WRNIP1: variants seen among roughly 807,000 people sequenced by gnomAD.
WRNIP1 encodes the protein ATPase WRNIP1.
In WRNIP1, 41 loss-of-function variants were observed where a neutral mutation model predicts 56.1. The ratio of observed to expected loss-of-function variants is 0.73; its 90% CI spans 0.57 to 0.95. WRNIP1 has a LOEUF of 0.95. Ranked by LOEUF, WRNIP1 falls within the 40% of genes least tolerant of loss-of-function variation. The probability of loss-of-function intolerance (pLI) is 0.00; values close to 1 mark genes in which losing one functional copy is unlikely to be tolerated. For synonymous variants in WRNIP1, 547 were observed against 398.1 expected (o/e 1.37, Z -4.45); for missense variants, 1,170 against 939.4 (o/e 1.25, Z -3.21).
intron 4 of WRNIP1, among the ~76,000 whole-genome samples, 188 bp downstream of exon 4, chr6:2,779,680 G>A (rs1483608993): frequency 1.3e-5 from 2 of 152,192 alleles, no homozygotes; most frequent in South Asian, 2.1e-4. Context: ...CCGAAGAGAG[G>A]CATGAAGCAG....
chr6:2,765,521 C>A lies in WRNIP1; in HGVS notation c.-102C>A. 3.1e-6 allele frequency: 4 copies of A among 1,288,670 alleles called. No individual in the cohort carries two copies. In the South Asian group the frequency reaches 6.4e-5, roughly 21 times the overall value. The allele number at this position is 1,288,670 out of a possible 1,614,324, so 79.8% of individuals were successfully genotyped here. A position where few individuals can be genotyped will look rare whatever the true frequency, so the allele number is the denominator to read the frequency against. On this transcript the variant is annotated 5_prime_UTR_variant, in exon 1 of 7. Coordinates refer to ENST00000380773, the MANE Select transcript of WRNIP1 (RefSeq NM_020135.3). ...GCGAGCGTCCTGCTGGTTCCCCGAG[C>A]GAGGGTCTCGCGGCGCGGGGCCTAG...
At chr6:2,783,673 G>GGGCCCCCC in intron 5 of WRNIP1, 112 bp downstream of exon 5, 1 of 404,230 alleles carries the variant, frequency 2.5e-6, no homozygotes, top group Non-Finnish European at 4.4e-6. Flanking sequence ...GGTGGGCGGG[G>GGGCCCCCC]GTAGCAGGAA....
At chr6:2,768,504 T>C (rs1435721052) in intron 1 of WRNIP1, among the ~76,000 whole-genome samples, 187 bp from the exon 2 acceptor site, 4 of 152,324 alleles carry the variant, frequency 2.6e-5, no homozygotes, top group African/African-American at 9.6e-5. Context: ...GTTTTATTTA[T>C]AATATTTTTG....
In WRNIP1 at chr6:2,766,429, G is replaced by C. The variant is rs769863578; in HGVS notation, c.807G>C (p.Pro269=). 7 of 1,574,224 alleles carry C rather than the reference G, an allele frequency of 4.4e-6. No homozygotes were observed. The East Asian group carries it at 1.6e-4, about 36-fold the overall frequency. ...TCCCCTCGCTTATCCTGTGGGGGCC[G>C]CCGGGCTGCGGCAAGGTGAGTGCGG... ...NEIPSLILWG[P]PGCGKTTLAH... is the part of the protein sequence containing the mutation. Residue 269 remains proline (P), a synonymous_variant, in exon 1 of 7, where the codon CCG becomes CCC. Transcript: ENST00000380773.
intron 3 of WRNIP1, among the ~76,000 whole-genome samples, chr6:2,771,675 G>A (rs1765281774): frequency 1.3e-5 from 2 of 152,258 alleles, no homozygotes; most frequent in South Asian, 4.1e-4. Flanking sequence ...GTGCTCATCT[G>A]GTAAGTATAT....
intron 4 of WRNIP1, among the ~76,000 whole-genome samples, chr6:2,782,605 C>T (rs1765588877): frequency 6.6e-6 from 1 of 152,228 alleles, no homozygotes; most frequent in Non-Finnish European, 1.5e-5. Context: ...GAGGGTGCCC[C>T]CTCCTTGAAC....
chr6:2,779,541 G>GGT, intron 4 of WRNIP1, 49 bp downstream of exon 4: 1 of 1,558,714 alleles, frequency 6.4e-7, no homozygotes, highest in Non-Finnish European at 8.7e-7. Flanking sequence ...AAAGAAGTGT[G>GGT]TGCACACATT....
At chr6:2,769,370 G>A (rs1765177509) in intron 2 of WRNIP1, among the ~76,000 whole-genome samples, 1 of 151,754 alleles carries the variant, frequency 6.6e-6, no homozygotes, top group Non-Finnish European at 1.5e-5. Flanking sequence ...GAAATAAAAG[G>A]ACACAAGCTA....
rs71552136 is a variant in WRNIP1 at position 2,766,379 on chromosome 6, C to G, written c.757C>G (p.Arg253Gly). The change falls in exon 1 of 7, where the codon CGC (arginine) becomes GGC (glycine). Residue 253 changes from arginine to glycine, a missense_variant. Physicochemically the swap from Arg to Gly is moderately radical, Grantham distance 125. Transcript: ENST00000380773. ...SKAVGQDTLL[R>G]SLLETNEIPS... is the part of the protein sequence containing the mutation. ...GGCCGTGGGCCAGGATACCCTGCTG[C>G]GCTCGCTCCTGGAGACCAACGAAAT... is the stretch of plus-strand genomic sequence containing the variant. The G allele has an allele frequency of 1.8e-5, 29 of 1,608,634 alleles. No individual in the cohort carries two copies. Among genetic ancestry groups the G allele is most frequent in the Non-Finnish European group, 2.2e-5 (26 of 1,177,974 alleles).
chr6:2,774,048 C>A, intron 3 of WRNIP1: 3 of 985,304 alleles, frequency 3.0e-6, no homozygotes, highest in Non-Finnish European at 3.6e-6. Flanking sequence ...TCTTAAATAA[C>A]CTTTTGTGCC....
At chr6:2,777,794 T>G (rs1186458621) in intron 3 of WRNIP1, among the ~76,000 whole-genome samples, 1 of 152,194 alleles carries the variant, frequency 6.6e-6, no homozygotes, top group Non-Finnish European at 1.5e-5. Context: ...CCTCGGTGTT[T>G]GTTTTTTTGT....
intron 4 of WRNIP1, 51 bp downstream of exon 4, chr6:2,779,543 GCA>G: frequency 6.4e-7 from 1 of 1,553,610 alleles, no homozygotes; most frequent in Non-Finnish European, 8.7e-7. Context: ...AGAAGTGTGT[GCA>G]CACATTCTCA....
chr6:2,785,381 A>C lies in WRNIP1; in HGVS notation c.*99A>C. On this transcript the variant is annotated 3_prime_UTR_variant, in exon 7 of 7. Transcript: ENST00000380773. The stretch of plus-strand genomic sequence containing the variant: ...AGTTGGTTGCCTGGTGGAAGTTAGA[A>C]CAGACCAACATTTTGTGCCAGAAAT... 1 of 1,376,496 alleles carries C rather than the reference A, an allele frequency of 7.3e-7. No individual in the cohort carries two copies. Among genetic ancestry groups the C allele is most frequent in the African/African-American group, 1.4e-5 (1 of 69,376 alleles). The allele number at this position is 1,376,496 out of a possible 1,614,324, so 85.3% of individuals were successfully genotyped here.
chr6:2,785,241 G>A lies in WRNIP1; in HGVS notation c.1957G>A (p.Glu653Lys). The A allele has an allele frequency of 1.2e-6, 2 of 1,614,166 alleles. No individual in the cohort carries two copies. The highest frequency in any genetic ancestry group is 1.7e-6 in the Non-Finnish European group (2 of 1,180,030). The change falls in exon 7 of 7, where the codon GAG becomes AAG. Residue 653 changes from glutamate (E) to lysine (K), a missense_variant. Transcript: ENST00000380773. ...TGTGGATCAGGAGTACCTGCCTGAAGAGTTGAGGGGGGTAGATTTCTTCAA... is the reference window on the plus strand; with the variant it reads ...TGTGGATCAGGAGTACCTGCCTGAAAAGTTGAGGGGGGTAGATTTCTTCAA... ...EPVDQEYLPE[E>K]LRGVDFFKQR...
Position 2,779,287 on chromosome 6 carries a change from A to G in WRNIP1, c.1281A>G (p.Lys427=), listed in dbSNP as rs769478854. The G allele has an allele frequency of 2.5e-6, 4 of 1,614,186 alleles. No individual in the cohort carries two copies. The South Asian group carries it at 3.3e-5, about 13-fold the overall frequency. The change falls in exon 4 of 7, where the codon AAA becomes AAG. Residue 427 remains lysine, a synonymous_variant. Transcript: ENST00000380773. ...GGCCCGCCATGTTCATAGAGGATAA[A>G]GCAGTAGACACCCTGGCTTACCTCA... The part of the protein sequence containing the change: ...SSEPAMFIED[K]AVDTLAYLSD...
intron 3 of WRNIP1, chr6:2,774,370 G>T (rs918153288): frequency 3.8e-6 from 3 of 787,696 alleles, no homozygotes; most frequent in South Asian, 1.2e-4. Flanking sequence ...CAGAATCAAG[G>T]TATCAACAAG....
At position 2,782,163 on chromosome 6, in the gene WRNIP1, G is replaced by T. The variant is rs138453707; in HGVS notation, c.1487-1243G>T. Among the ~76,000 whole-genome samples, 12 of 152,348 alleles carry T rather than the reference G, an allele frequency of 7.9e-5. No individual in the cohort carries two copies. In the South Asian group the frequency reaches 2.3e-3, roughly 29 times the overall value. On this transcript the variant is annotated intron_variant, in intron 4 of 6. Transcript: ENST00000380773. ...CCTCCACCCTGCAGAGGAGCAGAGC[G>T]TAGCCTGAGTGCCTGGGCCAGCAGG...
At chr6:2,778,716 G>C (rs1765487834) in intron 3 of WRNIP1, among the ~76,000 whole-genome samples, 2 of 152,186 alleles carry the variant, frequency 1.3e-5, no homozygotes, top group African/African-American at 4.8e-5. Flanking sequence ...GACCTGCTGT[G>C]CTCAGAGTAA....
rs953829747 is a variant in WRNIP1 at position 2,766,129 on chromosome 6, G to GGGCGAC, written c.513_518dup (p.Gly176_Asp177dup). The GGGCGAC allele has an allele frequency of 1.6e-5, 21 of 1,325,648 alleles. No individual in the cohort carries two copies. The highest frequency in any genetic ancestry group is 3.1e-5 in the East Asian group (1 of 32,440). The allele number at this position is 1,325,648 out of a possible 1,614,324, so 82.1% of individuals were successfully genotyped here. ...AGGCGCAGGAGGAGGAGGAGGCCGT[G>GGGCGAC]GGCGACGGCGATGGCGACGGGGACG... is the stretch of plus-strand genomic sequence containing the variant. On this transcript the variant is annotated inframe_insertion, in exon 1 of 7. Coordinates refer to ENST00000380773, the MANE Select transcript of WRNIP1 (RefSeq NM_020135.3).
Sources: gnomAD v4.1 joint callset for allele counts (sites outside exome capture counted in the v4.1 genomes callset) on GRCh38, gnomAD v4.1.1 for gene constraint, MANE v1.5 for transcripts, NCBI Gene and HGNC (gene_info 2026-07-23, HGNC 2026-07-21) for gene names.